NUSAP1: variants seen among roughly 807,000 people sequenced by gnomAD.
The protein encoded by NUSAP1 is nucleolar and spindle-associated protein 1.
NUSAP1 carries 32 observed loss-of-function variants against 52.8 expected under a neutral mutation model. The observed-to-expected ratio is 0.61, with a 90% CI of 0.46 to 0.81. The LOEUF is 0.81. NUSAP1 is among the 40% of genes least tolerant of loss of function. The pLI is 0.00. For synonymous variants in NUSAP1, 195 were observed against 183.1 expected (o/e 1.06, Z -0.52); for missense variants, 499 against 522.3 (o/e 0.96, Z 0.43).
At chr15:41,355,937 C>CA in intron 4 of NUSAP1, 102 bp from the exon 5 acceptor site, 1 of 672,600 alleles carries the variant, frequency 1.5e-6, no homozygotes, top group Non-Finnish European at 2.6e-6. Context: ...CTCGGCCTCC[C>CA]AAAGTGCTGG....
intron 7 of NUSAP1, among the ~76,000 whole-genome samples, chr15:41,368,728 CTTTTTT>C (rs57501156): frequency 0.016 from 1,216 of 78,014 alleles, 7 homozygotes; most frequent in Non-Finnish European, 0.021. Context: ...TTATTTTATT[CTTTTTT>C]TTTTTTTTTT....
Position 41,375,750 on chromosome 15 carries a change from A to C in NUSAP1, c.1045A>C (p.Thr349Pro), listed in dbSNP as rs2049905600. The change falls in exon 9 of 11, where the codon ACT (threonine) becomes CCT (proline). Residue 349 changes from threonine to proline, a missense_variant. Physicochemically the swap from Thr to Pro is conservative, Grantham distance 38. Coordinates refer to ENST00000559596, the MANE Select transcript of NUSAP1 (RefSeq NM_016359.5). ...PFKLTTEATQ[T>P]PVSNKKPVFD... ...CAAGTTGACAACTGAGGCAACGCAG[A>C]CTCCAGTCTCCAATAAGAAACCAGT... 1.9e-6 allele frequency: 3 copies of C among 1,613,450 alleles called. No homozygotes were observed. The highest frequency in any genetic ancestry group is 1.7e-5 in the Admixed American group (1 of 59,944).
At position 41,349,242 on chromosome 15, in the gene NUSAP1, G is replaced by A. The variant is rs764818754; in HGVS notation, c.306+1G>A. ...TGTCCGTGTGGACCCTGACTCACAG[G>A]TGAATGGAAATATACAAACTGAAAA... is the stretch of plus-strand genomic sequence containing the variant. On this transcript the variant is annotated splice_donor_variant, in intron 3 of 10. Transcript: ENST00000559596. LOFTEE classifies it high-confidence loss of function. The A allele has an allele frequency of 4.3e-6, 7 of 1,611,460 alleles. No individual in the cohort carries two copies. The highest frequency in any genetic ancestry group is 1.3e-5 in the African/African-American group (1 of 74,788).
intron 6 of NUSAP1, among the ~76,000 whole-genome samples, chr15:41,359,548 C>T (rs1295727559): frequency 6.6e-6 from 1 of 151,972 alleles, no homozygotes; most frequent in African/African-American, 2.4e-5. Flanking sequence ...AGTACTTAAG[C>T]TTCTTGGTGA....
chr15:41,358,905 T>G (rs2049069001), intron 6 of NUSAP1, among the ~76,000 whole-genome samples: 1 of 152,126 alleles, frequency 6.6e-6, no homozygotes, highest in African/African-American at 2.4e-5. Flanking sequence ...AAATGGGTGA[T>G]TAATAGTGGC....
At chr15:41,335,161 A>G (rs1202779136) in intron 1 of NUSAP1, among the ~76,000 whole-genome samples, 1 of 151,096 alleles carries the variant, frequency 6.6e-6, no homozygotes, top group Non-Finnish European at 1.5e-5. Context: ...GCTCTGAGAA[A>G]TTATCAAGAT....
chr15:41,336,651 T>G (rs946179135), intron 1 of NUSAP1, among the ~76,000 whole-genome samples: 1 of 112,696 alleles, frequency 8.9e-6, no homozygotes, highest in Admixed American at 8.6e-5. Context: ...CCTTTTGGTT[T>G]TTTTTTTTTT....
intron 8 of NUSAP1, among the ~76,000 whole-genome samples, chr15:41,374,606 C>T (rs1439652142): frequency 6.6e-6 from 1 of 152,092 alleles, no homozygotes; most frequent in Non-Finnish European, 1.5e-5. Flanking sequence ...CGGCTCGCTG[C>T]AACCTCCGAC....
chr15:41,378,030 G>A (rs990804454), intron 10 of NUSAP1, among the ~76,000 whole-genome samples: 2 of 152,020 alleles, frequency 1.3e-5, no homozygotes, highest in Non-Finnish European at 2.9e-5. Flanking sequence ...AACTTTCTGA[G>A]TACATCTGCC....
chr15:41,343,590 G>A (rs1042580177), intron 2 of NUSAP1: 6 of 152,096 alleles, frequency 3.9e-5, no homozygotes, highest in African/African-American at 1.4e-4. Context: ...CCGACCTCGG[G>A]TGATCCCACC....
At chr15:41,335,194 A>G (rs1247659214) in intron 1 of NUSAP1, among the ~76,000 whole-genome samples, 4 of 150,054 alleles carry the variant, frequency 2.7e-5, no homozygotes, top group African/African-American at 9.7e-5. Flanking sequence ...AAACACTACA[A>G]TTTAAATAAA....
intron 4 of NUSAP1, 115 bp downstream of exon 4, chr15:41,351,244 T>C: frequency 2.0e-6 from 2 of 1,025,396 alleles, no homozygotes; most frequent in Non-Finnish European, 2.8e-6. Flanking sequence ...CTGGGCAGCT[T>C]AGAACAACAG....
intron 6 of NUSAP1, among the ~76,000 whole-genome samples, chr15:41,361,757 A>G (rs2140735250): frequency 6.6e-6 from 1 of 152,248 alleles, no homozygotes; most frequent in African/African-American, 2.4e-5. Flanking sequence ...CATCTGAATG[A>G]GTTTAGTTCT....
chr15:41,371,820 G>C (rs1230401186), intron 8 of NUSAP1, 136 bp downstream of exon 8: 2 of 996,506 alleles, frequency 2.0e-6, no homozygotes, highest in Non-Finnish European at 2.9e-6. Flanking sequence ...ACCCAGGCTA[G>C]AGTGTAATGG....
intron 4 of NUSAP1, 120 bp downstream of exon 4, chr15:41,351,249 C>A (rs2048767841): frequency 4.1e-6 from 4 of 977,170 alleles, no homozygotes; most frequent in African/African-American, 1.6e-5. Context: ...CAGCTTAGAA[C>A]AACAGAAATT....
intron 1 of NUSAP1, among the ~76,000 whole-genome samples, chr15:41,340,513 G>A (rs1191406368): frequency 6.6e-6 from 1 of 152,100 alleles, no homozygotes; most frequent in African/African-American, 2.4e-5. Context: ...CACAATAAAT[G>A]CTTGTTGAAG....
chr15:41,353,763 A>G (rs1211340557), intron 4 of NUSAP1, among the ~76,000 whole-genome samples: 1 of 152,244 alleles, frequency 6.6e-6, no homozygotes, highest in Non-Finnish European at 1.5e-5. Flanking sequence ...TCATAGCTCT[A>G]TAGCATATTA....
chr15:41,336,331 A>G (rs1475950721), intron 1 of NUSAP1, among the ~76,000 whole-genome samples: 1 of 151,266 alleles, frequency 6.6e-6, no homozygotes, highest in South Asian at 2.1e-4. Flanking sequence ...CTTTTGAGAG[A>G]CTTCTCTTAA....
intron 8 of NUSAP1, among the ~76,000 whole-genome samples, chr15:41,374,685 G>A (rs1214630349): frequency 6.6e-6 from 1 of 150,792 alleles, no homozygotes; most frequent in Non-Finnish European, 1.5e-5. Context: ...ACGCTGCCAC[G>A]CCTAGCTAAT....
Sources: allele counts gnomAD v4.1 joint callset (sites outside exome capture counted in the v4.1 genomes callset), GRCh38; gene constraint gnomAD v4.1.1; transcripts MANE v1.5; gene names NCBI Gene and HGNC (gene_info 2026-07-23, HGNC 2026-07-21).